The following DHX15 variants were observed in gnomAD, a reference collection of about 807,000 sequenced individuals.
DHX15 encodes the protein DEAH-box helicase 15.
A neutral mutation model predicts 94.4 loss-of-function variants in DHX15; 11 were observed. That is an observed-to-expected ratio of 0.12 (90% CI 0.07 to 0.19). DHX15 has a LOEUF of 0.19. Among genes scored for constraint, DHX15 ranks in the 10% least tolerant of loss-of-function variants. The pLI, the probability that DHX15 is intolerant of heterozygous loss-of-function variation, is 1.00. For synonymous variants in DHX15, 338 were observed against 329.9 expected, an observed-to-expected ratio of 1.02 and a Z score of -0.27; for missense variants, 304 against 988.5, an observed-to-expected ratio of 0.31 and a Z score of 9.29.
chr4:24,581,353 T>C (rs1722412873), intron 1 of DHX15, among the ~76,000 whole-genome samples: 1 of 152,088 alleles, frequency 6.6e-6, no homozygotes, highest in African/African-American at 2.4e-5. Flanking sequence ...AAAAGCGTAA[T>C]GTGTACCTAC....
intron 1 of DHX15, among the ~76,000 whole-genome samples, chr4:24,581,320 G>A (rs942217984): frequency 6.6e-6 from 1 of 152,060 alleles, no homozygotes; most frequent in African/African-American, 2.4e-5. Context: ...GAGCCATTGC[G>A]CCCGGCCTAT....
At chr4:24,550,090 G>A (rs112329310) in intron 5 of DHX15, among the ~76,000 whole-genome samples, 24,874 of 64,540 alleles carry the variant, frequency 0.39, 4,066 homozygotes, top group Admixed American at 0.52. Context: ...GGGAAACTCC[G>A]TCTCAAAAAA....
chr4:24,532,339 A>G (rs1721102902), intron 12 of DHX15, among the ~76,000 whole-genome samples: 1 of 152,228 alleles, frequency 6.6e-6, no homozygotes, highest in Non-Finnish European at 1.5e-5. Flanking sequence ...ATCACTCTGT[A>G]GAGGACTGTA....
intron 13 of DHX15, 67 bp downstream of exon 13, chr4:24,529,534 G>A (rs1162931609): frequency 7.1e-7 from 1 of 1,408,466 alleles, no homozygotes; most frequent in South Asian, 1.2e-5. Context: ...CATGACTCTA[G>A]CAACAGTCAG....
At chr4:24,557,486 T>A (rs2109408954) in intron 3 of DHX15, among the ~76,000 whole-genome samples, 1 of 152,298 alleles carries the variant, frequency 6.6e-6, no homozygotes, top group East Asian at 1.9e-4. Context: ...TGCTGGAGCA[T>A]TAAGTTCAGC....
At chr4:24,582,318 G>T (rs1031184346) in intron 1 of DHX15, among the ~76,000 whole-genome samples, 1 of 152,126 alleles carries the variant, frequency 6.6e-6, no homozygotes, top group Non-Finnish European at 1.5e-5. Context: ...ATATACAAGG[G>T]AATCATAAAG....
intron 1 of DHX15, among the ~76,000 whole-genome samples, chr4:24,583,402 T>C (rs1722513194): frequency 6.6e-6 from 1 of 152,020 alleles, no homozygotes; most frequent in African/African-American, 2.4e-5. Context: ...AAAAACACGT[T>C]TTGAACATGA....
intron 3 of DHX15, among the ~76,000 whole-genome samples, chr4:24,556,916 T>G (rs1473099484): frequency 6.6e-6 from 1 of 152,158 alleles, no homozygotes; most frequent in African/African-American, 2.4e-5. Flanking sequence ...GCTGAAAGCG[T>G]GAGTCCTCCC....
intron 3 of DHX15, 21 bp from the exon 4 acceptor site, chr4:24,556,431 T>C (rs769262101): frequency 6.3e-7 from 1 of 1,577,792 alleles, no homozygotes; most frequent in South Asian, 1.2e-5. Flanking sequence ...AAGAACATGT[T>C]GGTTAAAGGT....
In DHX15 at chr4:24,531,672, T is replaced by C. The variant is rs189896521; in HGVS notation, c.2100+1192A>G. On this transcript the variant is annotated intron_variant, in intron 12 of 13. Coordinates refer to ENST00000336812, the MANE Select transcript of DHX15 (RefSeq NM_001358.3). ...AGGTAAAAGCTGCAGTGAGCCGTGA[T>C]TGCACCACTGCACTCCAGCCTGGGA... Among the ~76,000 whole-genome samples, 525 of 152,078 alleles carry C rather than the reference T, an allele frequency of 3.5e-3. 6 individuals are homozygous for C. Among genetic ancestry groups the C allele is most frequent in the African/African-American group, 0.012 (500 of 41,492 alleles).
intron 11 of DHX15, among the ~76,000 whole-genome samples, chr4:24,536,432 T>G (rs943258395): frequency 6.6e-6 from 1 of 152,182 alleles, no homozygotes; most frequent in African/African-American, 2.4e-5. Context: ...CAACTTTTCA[T>G]AAAGACCACA....
At chr4:24,531,203 C>T (rs1479929118) in intron 12 of DHX15, among the ~76,000 whole-genome samples, 1 of 152,056 alleles carries the variant, frequency 6.6e-6, no homozygotes, top group African/African-American at 2.4e-5. Context: ...GTTCTCCTGC[C>T]TCAGCCTCCC....
chr4:24,582,917 C>T (rs1024665055), intron 1 of DHX15, among the ~76,000 whole-genome samples: 3 of 152,124 alleles, frequency 2.0e-5, no homozygotes, highest in Non-Finnish European at 4.4e-5. Context: ...TGCCTAATAT[C>T]GTAAACTAAA....
At chr4:24,532,442 A>G (rs73804153) in intron 12 of DHX15, among the ~76,000 whole-genome samples, 5,403 of 152,260 alleles carry the variant, frequency 0.035, 289 homozygotes, top group African/African-American at 0.11. Context: ...GGATCCGCTC[A>G]ATTGCTTCCT....
intron 3 of DHX15, among the ~76,000 whole-genome samples, chr4:24,567,950 T>G (rs1722032121): frequency 1.3e-5 from 2 of 152,244 alleles, no homozygotes; most frequent in South Asian, 4.1e-4. Context: ...AAGGCTAGAC[T>G]AACAGAGTGT....
chr4:24,545,757 G>A (rs1721408922), intron 6 of DHX15, among the ~76,000 whole-genome samples: 1 of 152,210 alleles, frequency 6.6e-6, no homozygotes, highest in Admixed American at 6.5e-5. Context: ...CCCATCAGGA[G>A]ACAAAATGAC....
At chr4:24,570,997 C>G (rs73246475) in intron 2 of DHX15, 150 bp from the exon 3 acceptor site, 44,014 of 789,356 alleles carry the variant, frequency 0.056, 1,677 homozygotes, top group Non-Finnish European at 0.071. Flanking sequence ...CTTGTAACAA[C>G]ACAAGCTCTC....
At chr4:24,548,378 C>T (rs1721504639) in intron 6 of DHX15, among the ~76,000 whole-genome samples, 3 of 151,840 alleles carry the variant, frequency 2.0e-5, no homozygotes, top group South Asian at 2.1e-4. Context: ...CTCCTGACCT[C>T]GTGATCCACC....
chr4:24,549,752 G>A (rs887850848), intron 5 of DHX15, among the ~76,000 whole-genome samples: 1 of 152,066 alleles, frequency 6.6e-6, no homozygotes, highest in Non-Finnish European at 1.5e-5. Flanking sequence ...TAACACAATG[G>A]GAAGTGTTTG....
Sources: allele counts gnomAD v4.1 joint callset (sites outside exome capture counted in the v4.1 genomes callset), GRCh38; gene constraint gnomAD v4.1.1; transcripts MANE v1.5; gene names NCBI Gene and HGNC (gene_info 2026-07-23, HGNC 2026-07-21).